Variants in SYT4 observed in about 807,000 individuals in gnomAD.
The protein encoded by SYT4 is synaptotagmin-4.
Under a neutral mutation model 32.9 loss-of-function variants are expected in SYT4, and 7 were observed. The observed-to-expected ratio is 0.21, with a 90% confidence interval of 0.12 to 0.40. SYT4 has a LOEUF of 0.40. SYT4 is among the 10% of genes least tolerant of loss of function. SYT4 has a pLI of 1.00. For synonymous variants in SYT4, 205 were observed against 186.2 expected (o/e 1.10, Z -0.82); for missense variants, 480 against 488.0 (o/e 0.98, Z 0.16).
Position 43,274,147 on chromosome 18 carries a change from C to T in SYT4, c.282G>A (p.Leu94=). 1 of 1,614,072 alleles carries T rather than the reference C, an allele frequency of 6.2e-7. No individual in the cohort carries two copies. Among genetic ancestry groups the T allele is most frequent in the Non-Finnish European group, 8.5e-7 (1 of 1,179,958 alleles). Residue 94 remains leucine, a synonymous_variant, in exon 2 of 4, where the codon CTG becomes CTA. Transcript: ENST00000255224. The part of the protein sequence containing the change: ...KPAVPKNSLH[L]DLEKRDLNGN... Reference sequence around the variant, plus strand: ...CATTGAGATCTCTCTTTTCAAGATCCAGATGCAATGAATTCTTTGGCACAG... The same window carrying T: ...CATTGAGATCTCTCTTTTCAAGATCTAGATGCAATGAATTCTTTGGCACAG...
At position 43,270,113 on chromosome 18, in the gene SYT4, G is replaced by A. The variant is rs916257355; in HGVS notation, c.*228C>T. 15 of 537,266 alleles carry A rather than the reference G, an allele frequency of 2.8e-5. No homozygotes were observed. In the African/African-American group the frequency reaches 2.8e-4, roughly 10 times the overall value. The allele number at this position is 537,266 out of a possible 1,614,324, so 33.3% of individuals were successfully genotyped here. A position where few individuals can be genotyped will look rare whatever the true frequency, so the allele number is the denominator to read the frequency against. Reference sequence around the variant, plus strand: ...GTTATATCACTGGTAATCTGAAGGAGATATTGAATATCTTATGAAAATTTA... The same window carrying A: ...GTTATATCACTGGTAATCTGAAGGAAATATTGAATATCTTATGAAAATTTA... On this transcript the variant is annotated 3_prime_UTR_variant, in exon 4 of 4. Transcript: ENST00000255224.
chr18:43,270,570 G>C lies in SYT4; in HGVS notation c.1049C>G (p.Pro350Arg). 1 of 1,613,998 alleles carries C rather than the reference G, an allele frequency of 6.2e-7. No individual in the cohort carries two copies. The highest frequency in any genetic ancestry group is 8.5e-7 in the Non-Finnish European group (1 of 1,179,972). Residue 350 changes from proline to arginine, a missense_variant, in exon 4 of 4, where the codon CCC (proline) becomes CGC (arginine). By Grantham distance (103) the Pro-to-Arg change is moderately radical (BLOSUM62 -2). Coordinates refer to ENST00000255224, the MANE Select transcript of SYT4 (RefSeq NM_020783.4). ...KKKTHVKKCT[P>R]NAVFNELFVF... ...AAACAGCTCATTGAACACTGCATTG[G>C]GGGTGCATTTCTTCACATGAGTCTT...
In SYT4 at chr18:43,273,932, T is replaced by C; in HGVS notation, c.497A>G (p.Glu166Gly). 1 of 1,614,022 alleles carries C rather than the reference T, an allele frequency of 6.2e-7. No homozygotes were observed. The highest frequency in any genetic ancestry group is 8.5e-7 in the Non-Finnish European group (1 of 1,179,940). Residue 166 changes from glutamate (E) to glycine (G), a missense_variant, in exon 2 of 4, where the codon GAG becomes GGG. By Grantham distance (98) the Glu-to-Gly change is moderately conservative. Coordinates refer to ENST00000255224, the MANE Select transcript of SYT4 (RefSeq NM_020783.4). ...TLFFSLEYNFERKAFVVNIKE... is the reference protein window; with the variant it reads ...TLFFSLEYNFGRKAFVVNIKE... ...GATATTGACCACAAATGCTTTTCTC[T>C]CGAAGTTGTATTCTAAGGAGAAGAA... is the stretch of plus-strand genomic sequence containing the variant.
At chr18:43,276,305 T>C (rs1411955964) in intron 1 of SYT4, among the ~76,000 whole-genome samples, 1 of 152,180 alleles carries the variant, frequency 6.6e-6, no homozygotes, top group Non-Finnish European at 1.5e-5. Context: ...TCTTACAATC[T>C]TGAAAGTCAA....
At position 43,273,996 on chromosome 18, in the gene SYT4, G is replaced by C. The variant is rs772831820; in HGVS notation, c.433C>G (p.Leu145Val). The change falls in exon 2 of 4, where the codon CTT becomes GTT. Residue 145 changes from leucine (L) to valine (V), a missense_variant. By Grantham distance (32) the Leu-to-Val change is conservative. Transcript: ENST00000255224. ...SPESLKSSTS[L>V]TSEEKQEKLG... Reference sequence around the variant, plus strand: ...TTCTCTTGTTTCTCTTCTGAAGTAAGGGAAGTGCTGGACTTTAAACTCTCA... The same window carrying C: ...TTCTCTTGTTTCTCTTCTGAAGTAACGGAAGTGCTGGACTTTAAACTCTCA... 3.1e-6 allele frequency: 5 copies of C among 1,613,820 alleles called. No individual in the cohort carries two copies. The East Asian group carries it at 8.9e-5, about 29-fold the overall frequency.
intron 3 of SYT4, among the ~76,000 whole-genome samples, chr18:43,271,437 A>T (rs542422899): frequency 1.3e-5 from 2 of 152,280 alleles, no homozygotes; most frequent in East Asian, 3.9e-4. Context: ...TAAGAAACAT[A>T]CCCAATCATA....
chr18:43,276,821 A>T (rs1908808609), intron 1 of SYT4, among the ~76,000 whole-genome samples: 1 of 152,176 alleles, frequency 6.6e-6, no homozygotes, highest in Admixed American at 6.5e-5. Flanking sequence ...CCCAATAGAC[A>T]AGTTGCTTTT....
At chr18:43,277,100 A>C in intron 1 of SYT4, 148 bp downstream of exon 1, 1 of 926,630 alleles carries the variant, frequency 1.1e-6, no homozygotes, top group South Asian at 1.7e-5. Context: ...AATAAGCCAC[A>C]ATTGCCTGAC....
At chr18:43,275,857 A>G (rs749904740) in intron 1 of SYT4, among the ~76,000 whole-genome samples, 2 of 152,008 alleles carry the variant, frequency 1.3e-5, no homozygotes, top group African/African-American at 4.8e-5. Context: ...ACTTGGTATC[A>G]GCTTTTCAGT....
At chr18:43,270,975 A>G (rs1908612681) in intron 3 of SYT4, among the ~76,000 whole-genome samples, 1 of 152,164 alleles carries the variant, frequency 6.6e-6, no homozygotes, top group Non-Finnish European at 1.5e-5. Flanking sequence ...ACTCCAGAGA[A>G]TAGGATAGAA....
intron 2 of SYT4, chr18:43,272,213 T>A (rs1480281596): frequency 6.4e-6 from 1 of 155,972 alleles, no homozygotes; most frequent in Non-Finnish European, 1.4e-5. Context: ...ATTCTTTGCA[T>A]GAGTATGTGT....
rs1350985233 is a variant in SYT4, at chr18:43,277,359, G to A, written c.-78C>T. ...TTCACTTGCCTGGATCTCAAGCGCC[G>A]GCTTTCGGAGCGCTGAAAACAACAG... On this transcript the variant is annotated 5_prime_UTR_variant, in exon 1 of 4. Transcript: ENST00000255224. 2.5e-6 allele frequency: 4 copies of A among 1,580,382 alleles called. No individual in the cohort carries two copies. Among genetic ancestry groups the A allele is most frequent in the African/African-American group, 1.3e-5 (1 of 74,154 alleles).
chr18:43,275,299 G>C (rs909880789), intron 1 of SYT4, among the ~76,000 whole-genome samples: 1 of 151,934 alleles, frequency 6.6e-6, no homozygotes, highest in Non-Finnish European at 1.5e-5. Context: ...ACTGACATTA[G>C]GTAATATCAA....
Position 43,270,102 on chromosome 18 carries a change from A to G in SYT4, c.*239T>C. 3.9e-6 allele frequency: 2 copies of G among 508,678 alleles called. No homozygotes were observed. The highest frequency in any genetic ancestry group is 7.0e-6 in the Non-Finnish European group (2 of 287,116). The allele number at this position is 508,678 out of a possible 1,614,324, so 31.5% of individuals were successfully genotyped here. A position where few individuals can be genotyped will look rare whatever the true frequency, so the allele number is the denominator to read the frequency against. On this transcript the variant is annotated 3_prime_UTR_variant, in exon 4 of 4. Transcript: ENST00000255224. ...GACTATTCCTAGTTATATCACTGGT[A>G]ATCTGAAGGAGATATTGAATATCTT...
intron 1 of SYT4, among the ~76,000 whole-genome samples, chr18:43,276,452 T>C (rs1276911622): frequency 6.6e-6 from 1 of 152,228 alleles, no homozygotes; most frequent in African/African-American, 2.4e-5. Flanking sequence ...CTTTGGAATA[T>C]ACTGAGATCT....
intron 1 of SYT4, among the ~76,000 whole-genome samples, 171 bp from the exon 2 acceptor site, chr18:43,274,565 A>G (rs1389142420): frequency 6.6e-6 from 1 of 152,204 alleles, no homozygotes; most frequent in Admixed American, 6.5e-5. Context: ...TCGGGTACAA[A>G]TACATCCCCA....
At position 43,269,090 on chromosome 18, in the gene SYT4, TG is replaced by T. The variant is rs1224768008; in HGVS notation, c.*1250del. The stretch of plus-strand genomic sequence containing the variant: ...CAGCTTTAATCTAACAGGTTCTGAA[TG>T]AATTTCAGAACCCTGGCACTGGAAA... On this transcript the variant is annotated 3_prime_UTR_variant, in exon 4 of 4. Transcript: ENST00000255224. 6.6e-6 allele frequency: 1 copy of T among 152,206 alleles called. No individual in the cohort carries two copies. The highest frequency in any genetic ancestry group is 1.5e-5 in the Non-Finnish European group (1 of 68,042). 9.4% of individuals were successfully genotyped at this position (152,206 alleles called of 1,614,324 possible). A position where few individuals can be genotyped will look rare whatever the true frequency, so the allele number is the denominator to read the frequency against.
chr18:43,273,828 C>T lies in SYT4; in HGVS notation c.601G>A (p.Glu201Lys). The T allele has an allele frequency of 6.2e-7, 1 of 1,614,036 alleles. No homozygotes were observed. The highest frequency in any genetic ancestry group is 8.5e-7 in the Non-Finnish European group (1 of 1,179,942). ...DPYIKMTILP[E>K]KKHKVKTRVL... ...CTAGTTTTCACTTTATGCTTCTTCTCTGGGAGGATCGTCATTTTGATATAT... is the reference window on the plus strand; with the variant it reads ...CTAGTTTTCACTTTATGCTTCTTCTTTGGGAGGATCGTCATTTTGATATAT... The change falls in exon 2 of 4, where the codon GAG (glutamate) becomes AAG (lysine). Residue 201 changes from glutamate to lysine, a missense_variant. Coordinates refer to ENST00000255224, the MANE Select transcript of SYT4 (RefSeq NM_020783.4).
Position 43,277,385 on chromosome 18 carries a change from CGCAGAGCCCAGG to C in SYT4, c.-116_-105del. The C allele has an allele frequency of 7.1e-7, 1 of 1,403,980 alleles. No homozygotes were observed. Among genetic ancestry groups the C allele is most frequent in the Admixed American group, 1.7e-5 (1 of 58,112 alleles). 87.0% of individuals were successfully genotyped at this position (1,403,980 alleles called of 1,614,324 possible). Reference sequence around the variant, plus strand: ...GCTTTCGGAGCGCTGAAAACAACAGCGCAGAGCCCAGGGCACCAGCTCCTGGAACAGGGAGGA... The same window carrying C: ...GCTTTCGGAGCGCTGAAAACAACAGCGCACCAGCTCCTGGAACAGGGAGGA... On this transcript the variant is annotated 5_prime_UTR_variant, in exon 1 of 4. Transcript: ENST00000255224.
Sources: gnomAD v4.1 joint callset for allele counts (sites outside exome capture counted in the v4.1 genomes callset) on GRCh38, gnomAD v4.1.1 for gene constraint, MANE v1.5 for transcripts, NCBI Gene and HGNC (gene_info 2026-07-23, HGNC 2026-07-21) for gene names.